The following DDX50 variants were observed in gnomAD, a reference collection of about 807,000 sequenced individuals.
DDX50 encodes DExD-box helicase 50, also known as ATP-dependent RNA helicase DDX50.
Under a neutral mutation model 94.8 loss-of-function variants are expected in DDX50, and 56 were observed. That is an observed-to-expected ratio of 0.59 (90% CI 0.48 to 0.74). The LOEUF (loss-of-function observed/expected upper bound fraction) is 0.74, where lower values mean the gene tolerates loss of function less well. Among genes scored for constraint, DDX50 ranks in the 30% least tolerant of loss-of-function variants. DDX50 has a pLI of 0.00. For missense variants in DDX50, 713 were observed against 881.2 expected, an observed-to-expected ratio of 0.81 and a Z score of 2.42; for synonymous variants, 264 against 295.4, an observed-to-expected ratio of 0.89 and a Z score of 1.09.
intron 12 of DDX50, among the ~76,000 whole-genome samples, chr10:68,939,704 T>C (rs1418337164): frequency 6.6e-6 from 1 of 152,214 alleles, no homozygotes. Context: ...TCAAATATCA[T>C]ACCAGAGAGG....
intron 8 of DDX50, among the ~76,000 whole-genome samples, chr10:68,924,212 T>G (rs1277249360): frequency 6.6e-6 from 1 of 152,074 alleles, no homozygotes; most frequent in East Asian, 1.9e-4. Flanking sequence ...CCTCAAATGA[T>G]CCACCTGCCT....
intron 7 of DDX50, among the ~76,000 whole-genome samples, chr10:68,919,210 A>T (rs567297299): frequency 6.6e-6 from 1 of 152,230 alleles, no homozygotes; most frequent in African/African-American, 2.4e-5. Flanking sequence ...CTGTAAATGT[A>T]ATCATACAAT....
intron 14 of DDX50, among the ~76,000 whole-genome samples, chr10:68,944,480 A>T (rs115153559): frequency 1.8e-3 from 270 of 152,324 alleles, no homozygotes; most frequent in Non-Finnish European, 6.2e-4. Flanking sequence ...AAAAATTCAG[A>T]ATATGTTAAA....
chr10:68,901,597 G>A, intron 1 of DDX50, 126 bp downstream of exon 1: 1 of 993,268 alleles, frequency 1.0e-6, no homozygotes, highest in Non-Finnish European at 1.4e-6. Context: ...CCTTCGCGCC[G>A]CCCTCGGCCC....
chr10:68,902,190 CAAA>C (rs35302047), intron 1 of DDX50, among the ~76,000 whole-genome samples: 11 of 94,292 alleles, frequency 1.2e-4, no homozygotes, highest in Admixed American at 1.3e-4. Context: ...CCCTGCCCTC[CAAA>C]AAAAAAAAAA....
chr10:68,916,997 T>C (rs968013292), intron 7 of DDX50, among the ~76,000 whole-genome samples: 1 of 152,194 alleles, frequency 6.6e-6, no homozygotes, highest in Non-Finnish European at 1.5e-5. Context: ...AGTAATTCTT[T>C]AATATCATTA....
At position 68,901,398 on chromosome 10, in the gene DDX50, TC is replaced by T. The variant is rs1330029373; in HGVS notation, c.16del (p.Leu6SerfsTer61). On this transcript the variant is annotated frameshift_variant, in exon 1 of 15. Transcript: ENST00000373585. LOFTEE classifies it high-confidence loss of function. ...CGGTGGCCAGTAATGCCTGGGAAAC[TC>T]CTCTGGGGGGACATTATGGAGCTGG... MPGKLLWGDIMELEA... is the reference protein window; with the variant it reads MPGKXLWGDIMELEA... 2 of 1,559,362 alleles carry T rather than the reference TC, an allele frequency of 1.3e-6. No individual in the cohort carries two copies. The highest frequency in any genetic ancestry group is 1.7e-6 in the Non-Finnish European group (2 of 1,152,666).
intron 7 of DDX50, 98 bp downstream of exon 7, chr10:68,914,302 C>A: frequency 2.3e-6 from 3 of 1,288,734 alleles, no homozygotes; most frequent in South Asian, 1.3e-5. Context: ...CCTCTTCATG[C>A]CTAATCTTCC....
intron 2 of DDX50, among the ~76,000 whole-genome samples, chr10:68,909,862 A>T (rs1841574114): frequency 6.6e-6 from 1 of 151,992 alleles, no homozygotes; most frequent in African/African-American, 2.4e-5. Context: ...GGGTTTCTCC[A>T]TGTTGGTCAG....
chr10:68,914,678 C>T lies in DDX50; in HGVS notation c.1089+474C>T, dbSNP rs528614476. ...AAGCTGTAAAATAACTTAAAGCAGA[C>T]GTAGGTGAATAAAGAGTTTTTTGAT... is the stretch of plus-strand genomic sequence containing the variant. On this transcript the variant is annotated intron_variant, in intron 7 of 14. Transcript: ENST00000373585. Among the ~76,000 whole-genome samples, 7 of 152,262 alleles carry T rather than the reference C, an allele frequency of 4.6e-5. No individual in the cohort carries two copies. The South Asian group carries it at 1.2e-3, about 27-fold the overall frequency.
At chr10:68,930,324 G>T (rs1349004278) in intron 8 of DDX50, among the ~76,000 whole-genome samples, 3 of 151,640 alleles carry the variant, frequency 2.0e-5, no homozygotes, top group African/African-American at 7.3e-5. Flanking sequence ...CACCACATTG[G>T]CCAGTCTGGT....
chr10:68,915,269 C>T (rs576569938), intron 7 of DDX50, among the ~76,000 whole-genome samples: 16 of 150,454 alleles, frequency 1.1e-4, no homozygotes, highest in Admixed American at 1.3e-4. Context: ...AAAAATTAGC[C>T]GGTCATGGTG....
intron 14 of DDX50, among the ~76,000 whole-genome samples, chr10:68,944,143 C>T (rs1168257365): frequency 1.3e-5 from 2 of 152,006 alleles, no homozygotes; most frequent in Non-Finnish European, 2.9e-5. Context: ...AATTAAACTC[C>T]CCCAAAATAA....
chr10:68,904,725 C>T (rs1335994805), intron 1 of DDX50, among the ~76,000 whole-genome samples: 1 of 152,192 alleles, frequency 6.6e-6, no homozygotes, highest in African/African-American at 2.4e-5. Context: ...CTCTGTAGTG[C>T]AGGGCCCAGA....
At chr10:68,914,389 A>G (rs538201981) in intron 7 of DDX50, among the ~76,000 whole-genome samples, 185 bp downstream of exon 7, 2 of 152,228 alleles carry the variant, frequency 1.3e-5, no homozygotes. Flanking sequence ...ATAGGGGGAA[A>G]AAAAGCACGT....
chr10:68,934,745 G>A lies in DDX50; in HGVS notation c.1402-54G>A. 1 of 1,532,664 alleles carries A rather than the reference G, an allele frequency of 6.5e-7. No individual in the cohort carries two copies. The highest frequency in any genetic ancestry group is 8.7e-7 in the Non-Finnish European group (1 of 1,144,508). 94.9% of individuals were successfully genotyped at this position (1,532,664 alleles called of 1,614,324 possible). Reference sequence around the variant, plus strand: ...TATTAACATTATTATTTGGATTCCGGAATGACTGCAACTTGCTAGATTTTT... The same window carrying A: ...TATTAACATTATTATTTGGATTCCGAAATGACTGCAACTTGCTAGATTTTT... On this transcript the variant is annotated intron_variant, in intron 9 of 14. Coordinates refer to ENST00000373585, the MANE Select transcript of DDX50 (RefSeq NM_024045.2). This position sits in a 1 kb window ranked among gnomAD's most constrained non-coding sequence, Gnocchi z 4.0.
intron 12 of DDX50, among the ~76,000 whole-genome samples, chr10:68,940,422 T>A (rs1213877640): frequency 6.6e-6 from 1 of 151,624 alleles, no homozygotes; most frequent in Non-Finnish European, 1.5e-5. Context: ...TTGTATTTAC[T>A]TTTTATTTTT....
At chr10:68,930,629 G>C (rs1347899257) in intron 8 of DDX50, among the ~76,000 whole-genome samples, 1 of 151,520 alleles carries the variant, frequency 6.6e-6, no homozygotes, top group Admixed American at 6.6e-5. Flanking sequence ...TTCATTTTGT[G>C]CACACACTCC....
chr10:68,942,752 T>C (rs1319136477), intron 13 of DDX50, among the ~76,000 whole-genome samples: 7 of 152,102 alleles, frequency 4.6e-5, no homozygotes, highest in Admixed American at 4.6e-4. Context: ...TAGCTGGGAC[T>C]ACAGTCATGC....
Sources: gnomAD v4.1 joint callset for allele counts (sites outside exome capture counted in the v4.1 genomes callset) on GRCh38, gnomAD v4.1.1 for gene constraint, Gnocchi (gnomAD v3.1) non-coding constraint, MANE v1.5 for transcripts, NCBI Gene and HGNC (gene_info 2026-07-23, HGNC 2026-07-21) for gene names.